Variants in ZBBX observed in about 807,000 individuals in gnomAD.
ZBBX encodes zinc finger B-box domain-containing protein 1.
ZBBX carries 101 observed loss-of-function variants against 108.5 expected under a neutral mutation model. The ratio of observed to expected loss-of-function variants is 0.93; its 90% confidence interval spans 0.79 to 1.10. The LOEUF is 1.10. ZBBX is among the 50% of genes least tolerant of loss of function. ZBBX has a pLI of 0.00. For synonymous variants in ZBBX, 356 were observed against 323.4 expected (o/e 1.10, Z -1.08); for missense variants, 1,009 against 941.4 (o/e 1.07, Z -0.94).
chr3:167,300,945 T>G (rs1340170408), intron 17 of ZBBX, among the ~76,000 whole-genome samples: 1 of 150,418 alleles, frequency 6.6e-6, no homozygotes, highest in African/African-American at 2.5e-5. Context: ...ACTTTTAAGT[T>G]CAGGAGTACT....
chr3:167,229,206 T>C, the ZBBX span, among the ~76,000 whole-genome samples: 1 of 151,784 alleles, frequency 6.6e-6, no homozygotes, highest in African/African-American at 2.4e-5. Flanking sequence ...CTATTTCTGC[T>C]ACGTAAGTTT....
chr3:167,271,243 C>G (rs957534436), intron 20 of ZBBX, among the ~76,000 whole-genome samples: 1 of 152,178 alleles, frequency 6.6e-6, no homozygotes, highest in South Asian at 2.1e-4. Flanking sequence ...ACCTTGTTCA[C>G]AAGGAGTTAA....
At chr3:167,376,626 C>T (rs1463731405) in intron 2 of ZBBX, among the ~76,000 whole-genome samples, 1 of 152,106 alleles carries the variant, frequency 6.6e-6, no homozygotes, top group African/African-American at 2.4e-5. Flanking sequence ...AATGAACGAA[C>T]TTCTGTAAAT....
chr3:167,255,754 A>T (rs1256465532), intron 20 of ZBBX, among the ~76,000 whole-genome samples: 2 of 152,134 alleles, frequency 1.3e-5, no homozygotes, highest in East Asian at 3.8e-4. Flanking sequence ...TAACTAAATC[A>T]TGAAAAATTT....
intron 20 of ZBBX, among the ~76,000 whole-genome samples, chr3:167,277,746 G>T (rs1727898974): frequency 1.3e-5 from 2 of 152,060 alleles, no homozygotes; most frequent in Admixed American, 1.3e-4. Context: ...GCACCAAGCA[G>T]ACCTAATAGA....
At chr3:167,251,540 G>A (rs1722607543) in intron 20 of ZBBX, among the ~76,000 whole-genome samples, 1 of 152,158 alleles carries the variant, frequency 6.6e-6, no homozygotes, top group Admixed American at 6.5e-5. Flanking sequence ...CACGCCCTGT[G>A]AGGGGGACGG....
chr3:167,353,459 A>T (rs1265028937), intron 8 of ZBBX, among the ~76,000 whole-genome samples: 1 of 152,050 alleles, frequency 6.6e-6, no homozygotes, highest in Non-Finnish European at 1.5e-5. Flanking sequence ...AACTAAACAC[A>T]TGGACATACA....
chr3:167,227,351 T>A, the ZBBX span, among the ~76,000 whole-genome samples: 1 of 151,668 alleles, frequency 6.6e-6, no homozygotes, highest in Non-Finnish European at 1.5e-5. Context: ...ATTTACCTAA[T>A]TCTGAATAAG....
intron 20 of ZBBX, among the ~76,000 whole-genome samples, chr3:167,254,887 T>TGTGAGAGAGAGAGAGAATGAGA (rs1307450012): frequency 2.8e-4 from 39 of 141,362 alleles, no homozygotes; most frequent in South Asian, 1.2e-3. Flanking sequence ...TGTGTGTGTG[T>TGTGAGAGAGAGAGAGAATGAGA]GAGAGAGAGA....
At chr3:167,326,261 C>T (rs192609165) in intron 11 of ZBBX, among the ~76,000 whole-genome samples, 17 of 152,170 alleles carry the variant, frequency 1.1e-4, no homozygotes, top group African/African-American at 3.1e-4. Context: ...AGTGAAAATG[C>T]AAGTTAACTA....
At chr3:167,284,382 T>C (rs539614537) in intron 19 of ZBBX, among the ~76,000 whole-genome samples, 1 of 152,068 alleles carries the variant, frequency 6.6e-6, no homozygotes, top group African/African-American at 2.4e-5. Context: ...GTAACAATAA[T>C]TCGCAATATA....
At chr3:167,182,083 A>G in the ZBBX span, among the ~76,000 whole-genome samples, 1 of 152,046 alleles carries the variant, frequency 6.6e-6, no homozygotes, top group Non-Finnish European at 1.5e-5. Context: ...CAGACTCAGC[A>G]GTTTTCTTTT....
intron 9 of ZBBX, among the ~76,000 whole-genome samples, chr3:167,345,387 C>A (rs943984085): frequency 1.3e-5 from 2 of 151,826 alleles, no homozygotes; most frequent in African/African-American, 2.4e-5. Context: ...AAGGAATATG[C>A]ATTATTCATA....
chr3:167,227,290 A>G, the ZBBX span, among the ~76,000 whole-genome samples: 17 of 151,892 alleles, frequency 1.1e-4, no homozygotes, highest in South Asian at 4.1e-4. Context: ...TTAGTGGAAA[A>G]GAAGCATCCA....
downstream of ZBBX, among the ~76,000 whole-genome samples, chr3:167,238,616 CAA>C (rs1338540205): frequency 6.6e-6 from 1 of 152,000 alleles, no homozygotes; most frequent in African/African-American, 2.4e-5. Flanking sequence ...ACAGAGAAGA[CAA>C]AAGAGTTTGA....
the ZBBX span, among the ~76,000 whole-genome samples, chr3:167,178,609 A>T: frequency 0.013 from 2,029 of 152,202 alleles, 22 homozygotes; most frequent in South Asian, 0.026. Context: ...CATGATAAGG[A>T]TTCAGATGTC....
chr3:167,262,327 C>T (rs1724694995), intron 20 of ZBBX, among the ~76,000 whole-genome samples: 1 of 152,220 alleles, frequency 6.6e-6, no homozygotes, highest in South Asian at 2.1e-4. Context: ...ACAATGCGAG[C>T]CAGCCACTGC....
chr3:167,192,025 ATCTTT>A, the ZBBX span, among the ~76,000 whole-genome samples: 6 of 149,352 alleles, frequency 4.0e-5, no homozygotes, highest in Non-Finnish European at 7.4e-5. Flanking sequence ...GTTAGGTTTT[ATCTTT>A]TATCAACTTA....
At chr3:167,290,107 C>T (rs1046999395) in intron 18 of ZBBX, among the ~76,000 whole-genome samples, 5 of 152,162 alleles carry the variant, frequency 3.3e-5, no homozygotes, top group African/African-American at 1.2e-4. Flanking sequence ...CTCCCCGGGA[C>T]AGAGCACCTA....
Sources: allele counts gnomAD v4.1 joint callset (sites outside exome capture counted in the v4.1 genomes callset), GRCh38; gene constraint gnomAD v4.1.1; transcripts MANE v1.5; gene names NCBI Gene and HGNC (gene_info 2026-07-23, HGNC 2026-07-21).